PPIP5K2: variants seen among roughly 807,000 people sequenced by gnomAD.
The protein encoded by PPIP5K2 is diphosphoinositol pentakisphosphate kinase 2.
Under a neutral mutation model 154.6 loss-of-function variants are expected in PPIP5K2, and 105 were observed. The observed-to-expected ratio is 0.68, with a 90% CI of 0.58 to 0.80. The LOEUF (loss-of-function observed/expected upper bound fraction) is 0.80, where lower values mean the gene tolerates loss of function less well. PPIP5K2 is among the 30% of genes least tolerant of loss of function. PPIP5K2 has a pLI of 0.00. For synonymous variants in PPIP5K2, 480 were observed against 490.3 expected, an observed-to-expected ratio of 0.98 and a Z score of 0.28; for missense variants, 992 against 1,504.6, an observed-to-expected ratio of 0.66 and a Z score of 5.64.
chr5:103,142,674 G>T (rs1554207577), intron 5 of PPIP5K2, among the ~76,000 whole-genome samples: 1 of 151,948 alleles, frequency 6.6e-6, no homozygotes, highest in South Asian at 2.1e-4. Flanking sequence ...TACTCGGGAG[G>T]CTGAGGCAGG....
rs1384233232 is a variant in PPIP5K2 at position 103,203,296 on chromosome 5, C to A, written c.*1662C>A. 1 of 151,976 alleles carries A rather than the reference C, an allele frequency of 6.6e-6. No homozygotes were observed. The highest frequency in any genetic ancestry group is 2.4e-5 in the African/African-American group (1 of 41,364). 9.4% of individuals were successfully genotyped at this position (151,976 alleles called of 1,614,324 possible). Reference sequence around the variant, plus strand: ...AAAAAATCAGGAATTTTTTTATTAACTAGTACTTACATATTAAATAAAATT... The same window carrying A: ...AAAAAATCAGGAATTTTTTTATTAAATAGTACTTACATATTAAATAAAATT... On this transcript the variant is annotated 3_prime_UTR_variant, in exon 31 of 31. Coordinates refer to ENST00000358359, the MANE Select transcript of PPIP5K2 (RefSeq NM_001276277.3).
intron 19 of PPIP5K2, among the ~76,000 whole-genome samples, chr5:103,172,371 G>A (rs1215571353): frequency 6.6e-6 from 1 of 150,786 alleles, no homozygotes; most frequent in South Asian, 2.1e-4. Context: ...GTTATTCCAT[G>A]TGAATCTTTC....
At chr5:103,179,855 A>C (rs1799242373) in intron 23 of PPIP5K2, among the ~76,000 whole-genome samples, 166 bp from the exon 24 acceptor site, 1 of 152,184 alleles carries the variant, frequency 6.6e-6, no homozygotes, top group Admixed American at 6.5e-5. Context: ...CATAGTACAC[A>C]GCATAATACT....
intron 13 of PPIP5K2, 108 bp downstream of exon 13, chr5:103,155,051 T>C: frequency 1.7e-6 from 1 of 584,440 alleles, no homozygotes; most frequent in Non-Finnish European, 2.7e-6. Flanking sequence ...TTTTTACTCT[T>C]TGTTACTATA....
chr5:103,175,416 CAA>C (rs1210855864), intron 21 of PPIP5K2, among the ~76,000 whole-genome samples: 152,082 of 152,204 alleles, frequency 1, 75,980 homozygotes, highest in Middle Eastern at 1. Flanking sequence ...ATTAGCAAGG[CAA>C]AAAAGCTTGT....
intron 7 of PPIP5K2, among the ~76,000 whole-genome samples, chr5:103,148,736 C>CT (rs1794129516): frequency 6.6e-6 from 1 of 152,014 alleles, no homozygotes; most frequent in African/African-American, 2.4e-5. Flanking sequence ...CTTTCCTTTA[C>CT]TTTTCTTCTC....
At position 103,160,001 on chromosome 5, in the gene PPIP5K2, A is replaced by G. The variant is rs554630438; in HGVS notation, c.1920+673A>G. Among the ~76,000 whole-genome samples, 16 of 152,230 alleles carry G rather than the reference A, an allele frequency of 1.1e-4. 1 individual carries two copies. In the South Asian group the frequency reaches 2.7e-3, roughly 26 times the overall value. On this transcript the variant is annotated intron_variant, in intron 17 of 30. Transcript: ENST00000358359. ...AGTTTAACTTTTTTAGATTCTACAT[A>G]TAAGTGAGATTATACATATTTGTCA...
intron 30 of PPIP5K2, among the ~76,000 whole-genome samples, chr5:103,198,733 T>C (rs1802506436): frequency 1.3e-5 from 2 of 152,180 alleles, no homozygotes; most frequent in Admixed American, 1.3e-4. Context: ...TGCAAGGCAT[T>C]CTAACAATAT....
At chr5:103,174,756 C>CTGA (rs1236010662) in intron 21 of PPIP5K2, among the ~76,000 whole-genome samples, 1 of 152,064 alleles carries the variant, frequency 6.6e-6, no homozygotes, top group East Asian at 1.9e-4. Flanking sequence ...CATCCAGGTT[C>CTGA]AGAAGGAGAG....
intron 28 of PPIP5K2, chr5:103,188,538 T>C (rs1800744651): frequency 6.6e-6 from 1 of 152,194 alleles, no homozygotes; most frequent in African/African-American, 2.4e-5. Flanking sequence ...TTTCCCTTCA[T>C]TGTAGCTATT....
chr5:103,173,349 T>G, intron 20 of PPIP5K2, 67 bp downstream of exon 20: 1 of 1,513,812 alleles, frequency 6.6e-7, no homozygotes, highest in Non-Finnish European at 9.0e-7. Flanking sequence ...ATTTAAATTA[T>G]ACTTTGATGG....
chr5:103,168,631 C>T (rs572378138), intron 19 of PPIP5K2, among the ~76,000 whole-genome samples: 33 of 151,824 alleles, frequency 2.2e-4, no homozygotes, highest in African/African-American at 7.5e-4. Flanking sequence ...TTATGATTGT[C>T]CCCCACAAGA....
intron 5 of PPIP5K2, among the ~76,000 whole-genome samples, chr5:103,140,831 C>T (rs6874911): frequency 0.014 from 1,725 of 127,426 alleles, 34 homozygotes; most frequent in African/African-American, 0.053. Context: ...AACGAGACTC[C>T]GTCTCAAAAA....
chr5:103,176,917 T>C, intron 21 of PPIP5K2: 3 of 1,449,228 alleles, frequency 2.1e-6, no homozygotes, highest in Non-Finnish European at 2.8e-6. Flanking sequence ...GATGGTAAGA[T>C]CAATAGAATT....
chr5:103,194,992 A>G lies in PPIP5K2; in HGVS notation c.3586A>G (p.Thr1196Ala), dbSNP rs782459479. 1.9e-6 allele frequency: 3 copies of G among 1,613,696 alleles called. No individual in the cohort carries two copies. The highest frequency in any genetic ancestry group is 1.6e-4 in the Middle Eastern group (1 of 6,082). ...PAKILPTPPATLKSTKASSKP... is the reference protein window; with the variant it reads ...PAKILPTPPAALKSTKASSKP... ...AAAGATCCTCCCAACACCACCAGCT[A>G]CCTTAAAGAGCACTAAAGCAAGCAG... The change falls in exon 30 of 31, where the codon ACC becomes GCC. Residue 1196 changes from threonine to alanine, a missense_variant. By Grantham distance (58) the Thr-to-Ala change is moderately conservative (BLOSUM62 0). Coordinates refer to ENST00000358359, the MANE Select transcript of PPIP5K2 (RefSeq NM_001276277.3).
chr5:103,147,547 T>C (rs1376709096), intron 6 of PPIP5K2, among the ~76,000 whole-genome samples: 1 of 151,986 alleles, frequency 6.6e-6, no homozygotes, highest in East Asian at 1.9e-4. Flanking sequence ...AGCAACATTA[T>C]TGTAATCACC....
chr5:103,163,086 G>GTTTTTT (rs35922283), intron 17 of PPIP5K2, among the ~76,000 whole-genome samples: 8 of 59,868 alleles, frequency 1.3e-4, no homozygotes, highest in African/African-American at 2.4e-4. Flanking sequence ...TTCTTCAAGT[G>GTTTTTT]TTTTTTTTTT....
rs1803698248 is a variant in PPIP5K2 at position 103,209,650 on chromosome 5, A to G, written c.*8016A>G. ...TTTTTTTAAAAAAAAGGAAAAATGA[A>G]TATGCCTTCAGAAAGTTTTTTGCTG... On this transcript the variant is annotated 3_prime_UTR_variant, in exon 31 of 31. Transcript: ENST00000358359. 6.6e-6 allele frequency: 1 copy of G among 152,328 alleles called. No homozygotes were observed. The highest frequency in any genetic ancestry group is 2.4e-5 in the African/African-American group (1 of 41,574). The allele number at this position is 152,328 out of a possible 1,614,324, so 9.4% of individuals were successfully genotyped here.
intron 30 of PPIP5K2, among the ~76,000 whole-genome samples, chr5:103,201,143 C>G (rs1319720981): frequency 1.3e-5 from 2 of 152,148 alleles, no homozygotes; most frequent in Admixed American, 1.3e-4. Flanking sequence ...CGTCAGATAT[C>G]TTTAAAGAAA....
Sources: allele counts gnomAD v4.1 joint callset (sites outside exome capture counted in the v4.1 genomes callset), GRCh38; gene constraint gnomAD v4.1.1; transcripts MANE v1.5; gene names NCBI Gene and HGNC (gene_info 2026-07-23, HGNC 2026-07-21).